Variants in IFT88 observed in about 807,000 individuals in gnomAD.
IFT88 encodes the protein intraflagellar transport 88, also known as intraflagellar transport protein 88 homolog.
Under a neutral mutation model 119.5 loss-of-function variants are expected in IFT88, and 74 were observed. The observed-to-expected ratio is 0.62, with a 90% CI of 0.51 to 0.75. The LOEUF (loss-of-function observed/expected upper bound fraction) is 0.75, where lower values mean the gene tolerates loss of function less well. IFT88 is among the 30% of genes least tolerant of loss of function. IFT88 has a pLI of 0.00. For synonymous variants in IFT88, 279 were observed against 316.7 expected (o/e 0.88, Z 1.26); for missense variants, 961 against 977.7 (o/e 0.98, Z 0.23).
intron 8 of IFT88, among the ~76,000 whole-genome samples, 189 bp from the exon 9 acceptor site, chr13:20,596,826 G>C (rs1231816389): frequency 6.6e-6 from 1 of 152,072 alleles, no homozygotes; most frequent in African/African-American, 2.4e-5. Context: ...TAGAACTGGG[G>C]CTTTTTTTGT....
At chr13:20,653,635 A>G (rs1288552837) in intron 20 of IFT88, among the ~76,000 whole-genome samples, 1 of 152,216 alleles carries the variant, frequency 6.6e-6, no homozygotes, top group African/African-American at 2.4e-5. Context: ...AGTGGTTCTC[A>G]TATGAATATC....
chr13:20,588,633 C>T (rs572441061), intron 3 of IFT88, among the ~76,000 whole-genome samples: 1 of 152,222 alleles, frequency 6.6e-6, no homozygotes, highest in African/African-American at 2.4e-5. Context: ...TGTTTAACAG[C>T]CTTGTGTGGC....
At chr13:20,655,155 C>T (rs1054103292) in intron 21 of IFT88, among the ~76,000 whole-genome samples, 3 of 152,110 alleles carry the variant, frequency 2.0e-5, no homozygotes, top group African/African-American at 4.8e-5. Flanking sequence ...CTGTAAAGGC[C>T]GGACACAGTG....
chr13:20,663,458 G>T, intron 22 of IFT88, 40 bp from the exon 23 acceptor site: 1 of 1,599,014 alleles, frequency 6.3e-7, no homozygotes, highest in Non-Finnish European at 8.5e-7. Context: ...CAAATATACT[G>T]TGCCTATATT....
chr13:20,665,444 A>C (rs1227220714), intron 23 of IFT88, among the ~76,000 whole-genome samples: 1 of 152,254 alleles, frequency 6.6e-6, no homozygotes, highest in Non-Finnish European at 1.5e-5. Flanking sequence ...TTTAGCTTTA[A>C]AATTAACCAA....
intron 1 of IFT88, chr13:20,567,891 C>T (rs1156978905): frequency 1.1e-5 from 7 of 623,596 alleles, no homozygotes; most frequent in African/African-American, 9.4e-5. Context: ...CGAGAAACTG[C>T]AGTAGGCTTC....
intron 18 of IFT88, chr13:20,643,004 A>G (rs1235041025): frequency 7.4e-6 from 1 of 135,314 alleles, no homozygotes; most frequent in African/African-American, 2.8e-5. Context: ...CTTAGTAGGT[A>G]CTAAAAGGAA....
At chr13:20,632,450 C>T (rs969811926) in intron 16 of IFT88, among the ~76,000 whole-genome samples, 7 of 152,192 alleles carry the variant, frequency 4.6e-5, no homozygotes, top group Admixed American at 1.3e-4. Context: ...AAGGCTACCA[C>T]AACTCCTTAA....
At chr13:20,603,742 C>T (rs1187004072) in intron 12 of IFT88, among the ~76,000 whole-genome samples, 3 of 151,906 alleles carry the variant, frequency 2.0e-5, no homozygotes, top group Non-Finnish European at 2.9e-5. Flanking sequence ...CAAAAAAATA[C>T]GAAAATTAGC....
Position 20,628,597 on chromosome 13 carries a change from A to G in IFT88, c.1300-2419A>G, listed in dbSNP as rs571469915. On this transcript the variant is annotated intron_variant, in intron 15 of 25. Coordinates refer to ENST00000351808, the MANE Select transcript of IFT88 (RefSeq NM_006531.5). The stretch of plus-strand genomic sequence containing the variant: ...ATGTAGATTTATGGACATGTAGAGA[A>G]CAGTTATGAAAACAGCCTATTTCAA... Among the ~76,000 whole-genome samples the G allele has an allele frequency of 2.0e-5, 3 of 152,366 alleles. No individual in the cohort carries two copies. In the East Asian group the frequency reaches 5.8e-4, roughly 29 times the overall value.
At chr13:20,690,867 G>A (rs1024044533) in intron 25 of IFT88, 52 bp downstream of exon 25, 2 of 1,441,936 alleles carry the variant, frequency 1.4e-6, no homozygotes, top group Non-Finnish European at 1.9e-6. Flanking sequence ...GAAGAAGAAT[G>A]GTGAGATGGC....
chr13:20,602,064 A>T (rs925753058), intron 12 of IFT88, 131 bp downstream of exon 12: 1 of 601,824 alleles, frequency 1.7e-6, no homozygotes, highest in African/African-American at 1.9e-5. Context: ...TTTATTATTG[A>T]TGTATTTCAT....
intron 1 of IFT88, among the ~76,000 whole-genome samples, chr13:20,569,594 A>T (rs1446543545): frequency 2.8e-5 from 4 of 140,510 alleles, no homozygotes; most frequent in South Asian, 2.3e-4. Context: ...AAATTTTTTT[A>T]AACTTTTGTG....
chr13:20,598,904 TTA>T (rs1390192168), intron 10 of IFT88, 151 bp downstream of exon 10: 1 of 515,562 alleles, frequency 1.9e-6, no homozygotes, highest in Non-Finnish European at 3.4e-6. Flanking sequence ...AACATACTAT[TTA>T]TATAAAAATC....
At chr13:20,638,280 C>A in intron 16 of IFT88, 52 bp from the exon 17 acceptor site, 1 of 982,906 alleles carries the variant, frequency 1.0e-6, no homozygotes, top group South Asian at 3.9e-5. Context: ...TCAGAACAGT[C>A]AGAAAAGGTA....
chr13:20,629,655 G>GT (rs2047893858), intron 15 of IFT88, among the ~76,000 whole-genome samples: 1 of 152,114 alleles, frequency 6.6e-6, no homozygotes, highest in African/African-American at 2.4e-5. Flanking sequence ...AAAAAATTGA[G>GT]TCAGTTTGCC....
At chr13:20,577,866 T>C (rs1031510602) in intron 2 of IFT88, among the ~76,000 whole-genome samples, 2 of 152,086 alleles carry the variant, frequency 1.3e-5, no homozygotes, top group African/African-American at 4.8e-5. Flanking sequence ...ACTGGCCTTA[T>C]AGAATGAGTT....
intron 22 of IFT88, among the ~76,000 whole-genome samples, chr13:20,660,476 A>G (rs1046725148): frequency 6.6e-6 from 1 of 152,352 alleles, no homozygotes; most frequent in East Asian, 1.9e-4. Context: ...AGTGTGATTA[A>G]CTCAAGCTTC....
At chr13:20,601,656 T>C (rs1380015799) in intron 11 of IFT88, 49 bp from the exon 12 acceptor site, 5 of 1,245,642 alleles carry the variant, frequency 4.0e-6, no homozygotes, top group African/African-American at 1.5e-5. Context: ...TTGAATGCCA[T>C]ACTAAAGAGT....
Sources: allele counts gnomAD v4.1 joint callset (sites outside exome capture counted in the v4.1 genomes callset), GRCh38; gene constraint gnomAD v4.1.1; transcripts MANE v1.5; gene names NCBI Gene and HGNC (gene_info 2026-07-23, HGNC 2026-07-21).